ADARB2: variants seen among roughly 807,000 people sequenced by gnomAD.
ADARB2 encodes adenosine deaminase RNA specific B2 (inactive).
Under a neutral mutation model 62.2 loss-of-function variants are expected in ADARB2, and 25 were observed. That is an observed-to-expected ratio of 0.40 (90% CI 0.29 to 0.56). ADARB2 has a LOEUF of 0.56. ADARB2 is among the 20% of genes least tolerant of loss of function. ADARB2 has a pLI of 0.43. For missense variants in ADARB2, 1,071 were observed against 1,077.4 expected (o/e 0.99, Z 0.08); for synonymous variants, 572 against 500.8 (o/e 1.14, Z -1.90).
chr10:1,361,278 G>C (rs1342306270), intron 3 of ADARB2: 14 of 150,980 alleles, frequency 9.3e-5, no homozygotes, highest in Admixed American at 5.9e-4. Flanking sequence ...TGTAGAAACA[G>C]GGTGAAAAAG....
At chr10:1,233,393 C>T (rs1489937780) in intron 6 of ADARB2, among the ~76,000 whole-genome samples, 1 of 152,186 alleles carries the variant, frequency 6.6e-6, no homozygotes, top group Non-Finnish European at 1.5e-5. Context: ...ACTGGCCTTC[C>T]CTTCATTCCA....
intron 1 of ADARB2, among the ~76,000 whole-genome samples, chr10:1,413,571 C>G (rs1806447): frequency 0.28 from 42,391 of 152,002 alleles, 6,275 homozygotes; most frequent in Middle Eastern, 0.47. Flanking sequence ...AAAGGGTCCT[C>G]CTATCGGCCC....
At chr10:1,549,277 T>G (rs1832576255) in intron 1 of ADARB2, among the ~76,000 whole-genome samples, 1 of 151,844 alleles carries the variant, frequency 6.6e-6, no homozygotes, top group Non-Finnish European at 1.5e-5. Context: ...TGGCTGAGTG[T>G]GTAAGTTGGA....
chr10:1,713,938 G>A (rs1451718054), intron 1 of ADARB2, among the ~76,000 whole-genome samples: 1 of 152,202 alleles, frequency 6.6e-6, no homozygotes, highest in African/African-American at 2.4e-5. Flanking sequence ...TCTACTGAAC[G>A]TGCTTCCTGG....
chr10:1,340,588 CGT>C, intron 3 of ADARB2, among the ~76,000 whole-genome samples: 1 of 4,864 alleles, frequency 2.1e-4, no homozygotes, highest in African/African-American at 5.6e-4. Context: ...CAGAGAACCA[CGT>C]GCCCCACAGC....
At chr10:1,613,882 T>C (rs1228819113) in intron 1 of ADARB2, among the ~76,000 whole-genome samples, 4 of 152,246 alleles carry the variant, frequency 2.6e-5, no homozygotes, top group Admixed American at 2.0e-4. Flanking sequence ...AGGAGTTTAT[T>C]TCTCCAGGCT....
intron 1 of ADARB2, among the ~76,000 whole-genome samples, chr10:1,486,445 C>T (rs72764923): frequency 0.15 from 23,541 of 152,098 alleles, 2,318 homozygotes; most frequent in Non-Finnish European, 0.21. Context: ...ACAAAGTCTG[C>T]ACATTTCAGG....
intron 1 of ADARB2, among the ~76,000 whole-genome samples, chr10:1,501,985 T>A (rs930876954): frequency 6.6e-6 from 1 of 152,204 alleles, no homozygotes. Flanking sequence ...AGCAGGTCCA[T>A]GGATGTTACC....
intron 1 of ADARB2, among the ~76,000 whole-genome samples, chr10:1,606,510 C>T (rs999300742): frequency 6.6e-6 from 1 of 152,154 alleles, no homozygotes; most frequent in African/African-American, 2.4e-5. Flanking sequence ...ATTGGCAAAA[C>T]ATGCAATGAG....
At chr10:1,534,088 A>C (rs548834483) in intron 1 of ADARB2, among the ~76,000 whole-genome samples, 1 of 151,804 alleles carries the variant, frequency 6.6e-6, no homozygotes, top group Non-Finnish European at 1.5e-5. Flanking sequence ...TGAGGAGACA[A>C]ACACTAGGGT....
intron 1 of ADARB2, among the ~76,000 whole-genome samples, chr10:1,640,241 G>A (rs1010562704): frequency 3.9e-5 from 6 of 152,172 alleles, no homozygotes; most frequent in African/African-American, 1.2e-4. Context: ...GACAATTATA[G>A]TCTTACTCCT....
chr10:1,186,782 C>G (rs928040147), intron 8 of ADARB2, among the ~76,000 whole-genome samples: 1 of 152,246 alleles, frequency 6.6e-6, no homozygotes, highest in Non-Finnish European at 1.5e-5. Context: ...GGTGGAGAGG[C>G]CCAGGTGTCA....
At chr10:1,242,539 T>C (rs1830936248) in intron 4 of ADARB2, among the ~76,000 whole-genome samples, 1 of 152,194 alleles carries the variant, frequency 6.6e-6, no homozygotes, top group Non-Finnish European at 1.5e-5. Context: ...GCCTCTGCTA[T>C]CCTTAAGGTT....
chr10:1,519,664 T>C (rs1432317604), intron 1 of ADARB2, among the ~76,000 whole-genome samples: 1 of 152,198 alleles, frequency 6.6e-6, no homozygotes, highest in African/African-American at 2.4e-5. Flanking sequence ...GTTGCTGTGA[T>C]GCCCATATTA....
At chr10:1,303,268 A>C (rs1402368035) in intron 3 of ADARB2, among the ~76,000 whole-genome samples, 1 of 152,178 alleles carries the variant, frequency 6.6e-6, no homozygotes, top group Non-Finnish European at 1.5e-5. Flanking sequence ...AACTGGAAGA[A>C]AGGGTATCAG....
chr10:1,478,249 A>G (rs958493349), intron 1 of ADARB2, among the ~76,000 whole-genome samples: 2 of 152,198 alleles, frequency 1.3e-5, no homozygotes, highest in African/African-American at 2.4e-5. Flanking sequence ...TGAGCTGCAC[A>G]GATGTGATGG....
Position 1,179,855 on chromosome 10 carries a change from G to T in ADARB2, c.*3338C>A, listed in dbSNP as rs553510570. 1 of 152,374 alleles carries T rather than the reference G, an allele frequency of 6.6e-6. No individual in the cohort carries two copies. Among genetic ancestry groups the T allele is most frequent in the African/African-American group, 2.4e-5 (1 of 41,560 alleles). The allele number at this position is 152,374 out of a possible 1,614,324, so 9.4% of individuals were successfully genotyped here. A position where few individuals can be genotyped will look rare whatever the true frequency, so the allele number is the denominator to read the frequency against. The stretch of plus-strand genomic sequence containing the variant: ...GTGATTTCGAGGTGGACTTGGAGGG[G>T]CGGGCCTGACTTCATCAGCCCCCCT... On this transcript the variant is annotated 3_prime_UTR_variant, in exon 10 of 10. Transcript: ENST00000381312.
At chr10:1,378,864 T>A (rs1182962144) in intron 2 of ADARB2, among the ~76,000 whole-genome samples, 2 of 152,042 alleles carry the variant, frequency 1.3e-5, no homozygotes, top group African/African-American at 4.8e-5. Context: ...AGAAAAGGAT[T>A]CCAGCTGAGG....
chr10:1,247,815 G>T (rs1831000796), intron 4 of ADARB2, among the ~76,000 whole-genome samples: 1 of 152,236 alleles, frequency 6.6e-6, no homozygotes, highest in South Asian at 2.1e-4. Flanking sequence ...GGGGAGAAAT[G>T]GGGTCCTTGG....
Sources: gnomAD v4.1 joint callset for allele counts (sites outside exome capture counted in the v4.1 genomes callset) on GRCh38, gnomAD v4.1.1 for gene constraint, MANE v1.5 for transcripts, NCBI Gene and HGNC (gene_info 2026-07-23, HGNC 2026-07-21) for gene names.